The following OR52N1 variants were observed in gnomAD, a reference collection of about 807,000 sequenced individuals.
The protein encoded by OR52N1 is olfactory receptor 52N1.
OR52N1 carries 11 observed loss-of-function variants against 13.9 expected under a neutral mutation model. The observed-to-expected ratio is 0.79, with a 90% CI of 0.50 to 1.31. The LOEUF (loss-of-function observed/expected upper bound fraction) is 1.31. Among genes scored for constraint, OR52N1 ranks in the 40% most tolerant of loss-of-function variants. The probability of loss-of-function intolerance (pLI) is 0.00; values close to 1 mark genes in which losing one functional copy is unlikely to be tolerated. For synonymous variants in OR52N1, 142 were observed against 143.7 expected (o/e 0.99, Z 0.08); for missense variants, 414 against 397.7 (o/e 1.04, Z -0.35).
At position 5,788,360 on chromosome 11, in the gene OR52N1, T is replaced by C. The variant is rs376517982; in HGVS notation, c.457A>G (p.Arg153Gly). ...IAKAGFLTFL[R>G]GVMLVIPSTF... ...GAAGGGATAACAAGCATCACACCCC[T>C]AAGAAAAGTGAGGAACCCAGCTTTA... Residue 153 changes from arginine (R) to glycine (G), a missense_variant, in exon 2 of 2, where the codon AGG becomes GGG. Coordinates refer to ENST00000641645, the MANE Select transcript of OR52N1 (RefSeq NM_001001913.2). The C allele has an allele frequency of 7.5e-5, 121 of 1,613,718 alleles. No individual in the cohort carries two copies. In the Middle Eastern group the frequency reaches 1.3e-3, roughly 18 times the overall value.
At position 5,788,999 on chromosome 11, in the gene OR52N1, C is replaced by T. The variant is rs188861419; in HGVS notation, c.-44-139G>A. Reference sequence around the variant, plus strand: ...TTATGTTTAATATGTGATATATACACTGTCTGGGTGTGTGCCTTAAGCATT... The same window carrying T: ...TTATGTTTAATATGTGATATATACATTGTCTGGGTGTGTGCCTTAAGCATT... On this transcript the variant is annotated intron_variant, in intron 1 of 1. Transcript: ENST00000641645. The T allele has an allele frequency of 4.8e-4, 319 of 671,538 alleles. 3 individuals carry two copies. In the East Asian group the frequency reaches 8.0e-3, roughly 17 times the overall value. The allele number at this position is 671,538 out of a possible 1,614,324, so 41.6% of individuals were successfully genotyped here.
intron 1 of OR52N1, among the ~76,000 whole-genome samples, chr11:5,789,664 C>T (rs961486259): frequency 5.9e-5 from 9 of 151,990 alleles, no homozygotes; most frequent in African/African-American, 2.2e-4. Flanking sequence ...TTATATTCTA[C>T]CCATATCAAA....
rs749958918 is a variant in OR52N1 at position 5,788,295 on chromosome 11, G to A, written c.522C>T (p.Asn174=). ...LTKRLPYCKG[N]VIPHTYCDHM... Reference sequence around the variant, plus strand: ...GGTCACAGTAGGTGTGGGGTATGACGTTGCCCTTGCAGTATGGAAGGCGCT... The same window carrying A: ...GGTCACAGTAGGTGTGGGGTATGACATTGCCCTTGCAGTATGGAAGGCGCT... Residue 174 remains asparagine, a synonymous_variant, in exon 2 of 2, where the codon AAC becomes AAT. Transcript: ENST00000641645. 4.3e-5 allele frequency: 69 copies of A among 1,613,902 alleles called. No individual in the cohort carries two copies. Among genetic ancestry groups the A allele is most frequent in the Middle Eastern group, 1.6e-4 (1 of 6,080 alleles).
intron 1 of OR52N1, among the ~76,000 whole-genome samples, chr11:5,789,246 T>C (rs73390394): frequency 0.039 from 5,918 of 152,246 alleles, 366 homozygotes; most frequent in African/African-American, 0.13. Context: ...TCCTGTGGGC[T>C]TACCTTTCAA....
Position 5,787,947 on chromosome 11 carries a change from C to A in OR52N1, c.870G>T (p.Met290Ile), listed in dbSNP as rs866580592. ...TTTTCACCCCATACACAATAGGGTT[C>A]ATTGTGGGAGGCATTAGTAGGTAGA... ...ANLYLLMPPT[M>I]NPIVYGVKTR... The change falls in exon 2 of 2, where the codon ATG becomes ATT. Residue 290 changes from methionine (M) to isoleucine (I), a missense_variant. Coordinates refer to ENST00000641645, the MANE Select transcript of OR52N1 (RefSeq NM_001001913.2). The A allele has an allele frequency of 6.6e-7, 1 of 1,523,862 alleles. No homozygotes were observed. The highest frequency in any genetic ancestry group is 1.8e-5 in the Admixed American group (1 of 56,086). 94.4% of individuals were successfully genotyped at this position (1,523,862 alleles called of 1,614,324 possible). A position where few individuals can be genotyped will look rare whatever the true frequency, so the allele number is the denominator to read the frequency against.
At chr11:5,790,145 C>T (rs146732857) in intron 1 of OR52N1, among the ~76,000 whole-genome samples, 84 of 152,128 alleles carry the variant, frequency 5.5e-4, no homozygotes, top group African/African-American at 2.0e-3. Flanking sequence ...ACCCACCTGT[C>T]ACTTCAGGGA....
chr11:5,790,225 T>G (rs7924810), intron 1 of OR52N1, among the ~76,000 whole-genome samples: 50,451 of 151,888 alleles, frequency 0.33, 8,727 homozygotes, highest in African/African-American at 0.44. Context: ...TTTATAAAAT[T>G]TTTATGTCCT....
At chr11:5,788,922 C>T (rs1001110853) in intron 1 of OR52N1, 62 bp from the exon 2 acceptor site, 12 of 1,224,814 alleles carry the variant, frequency 9.8e-6, no homozygotes, top group Non-Finnish European at 1.2e-5. Flanking sequence ...AGTCTTCTTT[C>T]CCATAATGGC....
In OR52N1 at chr11:5,788,664, G is replaced by C. The variant is rs768454072; in HGVS notation, c.153C>G (p.Ile51Met). ...GTCTGTGTAAGGCCTCATCACAGTA[G>C]ATGAGGTACATAAGGCCGAAGTTCC... The part of the protein sequence containing the change: ...ITGNFGLMYL[I>M]YCDEALHRPM... The change falls in exon 2 of 2, where the codon ATC (isoleucine) becomes ATG (methionine). Residue 51 changes from isoleucine (I) to methionine (M), a missense_variant. Transcript: ENST00000641645. 9.9e-6 allele frequency: 16 copies of C among 1,613,924 alleles called. No individual in the cohort carries two copies. In the African/African-American group the frequency reaches 1.9e-4, roughly 19 times the overall value.
Position 5,786,521 on chromosome 11 carries a change from T to G in OR52N1, c.*1333A>C, listed in dbSNP as rs1304865928. ...CCCACCTATGAGTGAGAACATGCAG[T>G]GTTTGGTTTTTTGTCCTTGCGATAG... is the stretch of plus-strand genomic sequence containing the variant. On this transcript the variant is annotated 3_prime_UTR_variant, in exon 2 of 2. Transcript: ENST00000641645. 18 of 128,086 alleles carry G rather than the reference T, an allele frequency of 1.4e-4. 4 individuals carry two copies. The East Asian group carries it at 4.3e-3, about 31-fold the overall frequency. The allele number at this position is 128,086 out of a possible 1,614,324, so 7.9% of individuals were successfully genotyped here.
rs1020047388 is a variant in OR52N1, at chr11:5,791,093, A to G, written c.-45+18T>C. The G allele has an allele frequency of 2.0e-5, 3 of 152,124 alleles. No individual in the cohort carries two copies. Among genetic ancestry groups the G allele is most frequent in the African/African-American group, 7.2e-5 (3 of 41,464 alleles). The allele number at this position is 152,124 out of a possible 1,614,324, so 9.4% of individuals were successfully genotyped here. On this transcript the variant is annotated intron_variant, in intron 1 of 1. Transcript: ENST00000641645. ...CTGAACTTAAAATAAAAGCTTAAAC[A>G]AAAGTAAATCTGCTTACCCTGAAAA...
Position 5,791,155 on chromosome 11 carries a change from T to C in OR52N1, c.-89A>G, listed in dbSNP as rs1330570638. The C allele has an allele frequency of 6.6e-6, 1 of 152,076 alleles. No homozygotes were observed. The highest frequency in any genetic ancestry group is 1.5e-5 in the Non-Finnish European group (1 of 67,948). 9.4% of individuals were successfully genotyped at this position (152,076 alleles called of 1,614,324 possible). A position where few individuals can be genotyped will look rare whatever the true frequency, so the allele number is the denominator to read the frequency against. ...CCTCAAGAAACTGAAGACCTATCCATGGATCAAGTCATATTTATGTCTATA... is the reference window on the plus strand; with the variant it reads ...CCTCAAGAAACTGAAGACCTATCCACGGATCAAGTCATATTTATGTCTATA... On this transcript the variant is annotated 5_prime_UTR_variant, in exon 1 of 2. The change abolishes an upstream ATG in the 5' untranslated region. Coordinates refer to ENST00000641645, the MANE Select transcript of OR52N1 (RefSeq NM_001001913.2).
chr11:5,789,867 G>A (rs1460696568), intron 1 of OR52N1, among the ~76,000 whole-genome samples: 3 of 152,100 alleles, frequency 2.0e-5, no homozygotes, highest in Non-Finnish European at 4.4e-5. Context: ...AATAGTAAGG[G>A]AGAGAATATT....
At position 5,788,323 on chromosome 11, in the gene OR52N1, G is replaced by C; in HGVS notation, c.494C>G (p.Thr165Ser). The C allele has an allele frequency of 2.5e-6, 4 of 1,613,996 alleles. No individual in the cohort carries two copies. Among genetic ancestry groups the C allele is most frequent in the Non-Finnish European group, 3.4e-6 (4 of 1,179,974 alleles). Residue 165 changes from threonine to serine, a missense_variant, in exon 2 of 2, where the codon ACC (threonine) becomes AGC (serine). Coordinates refer to ENST00000641645, the MANE Select transcript of OR52N1 (RefSeq NM_001001913.2). The part of the protein sequence containing the change: ...VMLVIPSTFL[T>S]KRLPYCKGNV... The stretch of plus-strand genomic sequence containing the variant: ...GCCCTTGCAGTATGGAAGGCGCTTG[G>C]TGAGGAAAGTGGAAGGGATAACAAG...
In OR52N1 at chr11:5,788,186, A is replaced by T. The variant is rs763409859; in HGVS notation, c.631T>A (p.Phe211Ile). 1 of 1,614,034 alleles carries T rather than the reference A, an allele frequency of 6.2e-7. No individual in the cohort carries two copies. Among genetic ancestry groups the T allele is most frequent in the Non-Finnish European group, 8.5e-7 (1 of 1,179,974 alleles). ...GAGATTGTAATGCACAGGATATCAA[A>T]GCCCCCAATCAGCAGGGCAACTATC... ...GLIVALLIGGFDILCITISYT... is the reference protein window; with the variant it reads ...GLIVALLIGGIDILCITISYT... The change falls in exon 2 of 2, where the codon TTT becomes ATT. Residue 211 changes from phenylalanine to isoleucine, a missense_variant. Transcript: ENST00000641645.
At chr11:5,789,000 T>C (rs1854629466) in intron 1 of OR52N1, 140 bp from the exon 2 acceptor site, 1 of 653,928 alleles carries the variant, frequency 1.5e-6, no homozygotes. Context: ...ATATATACAC[T>C]GTCTGGGTGT....
chr11:5,790,271 CTT>C (rs1213890574), intron 1 of OR52N1, among the ~76,000 whole-genome samples: 1 of 151,928 alleles, frequency 6.6e-6, no homozygotes, highest in East Asian at 1.9e-4. Context: ...TAAATGAACT[CTT>C]GTCACTTTTC....
intron 1 of OR52N1, among the ~76,000 whole-genome samples, chr11:5,789,546 C>T (rs1854634140): frequency 6.6e-6 from 1 of 151,970 alleles, no homozygotes; most frequent in Non-Finnish European, 1.5e-5. Context: ...CCAATGTTTT[C>T]CTAAGATTAC....
chr11:5,790,231 G>C (rs1439867919), intron 1 of OR52N1, among the ~76,000 whole-genome samples: 1 of 151,868 alleles, frequency 6.6e-6, no homozygotes, highest in Non-Finnish European at 1.5e-5. Flanking sequence ...AAATTTTTAT[G>C]TCCTTATTTT....
Sources: allele counts gnomAD v4.1 joint callset (sites outside exome capture counted in the v4.1 genomes callset), GRCh38; gene constraint gnomAD v4.1.1; transcripts MANE v1.5; gene names NCBI Gene and HGNC (gene_info 2026-07-23, HGNC 2026-07-21).